DOP1B: variants seen among roughly 807,000 people sequenced by gnomAD.
The protein encoded by DOP1B is protein DOP1B.
A neutral mutation model predicts 233.5 loss-of-function variants in DOP1B; 174 were observed. The observed-to-expected ratio is 0.75, with a 90% CI of 0.66 to 0.85. The LOEUF is 0.85. Ranked by LOEUF, DOP1B falls within the 40% of genes least tolerant of loss-of-function variation. The pLI is 0.00. For missense variants in DOP1B, 2,652 were observed against 2,846.6 expected, an observed-to-expected ratio of 0.93 and a Z score of 1.56; for synonymous variants, 1,190 against 1,185.6, an observed-to-expected ratio of 1.00 and a Z score of -0.08.
intron 21 of DOP1B, 27 bp downstream of exon 21, chr21:36,248,595 C>A (rs1421505684): frequency 1.1e-5 from 18 of 1,582,916 alleles, no homozygotes; most frequent in Non-Finnish European, 1.5e-5. Flanking sequence ...GTAGTTCTGT[C>A]ATTTACTTGG....
chr21:36,172,077 G>A (rs1485396123), intron 2 of DOP1B, among the ~76,000 whole-genome samples: 1 of 152,188 alleles, frequency 6.6e-6, no homozygotes, highest in Non-Finnish European at 1.5e-5. Flanking sequence ...CTGGTGGGAA[G>A]GGCAATCTGG....
intron 2 of DOP1B, among the ~76,000 whole-genome samples, chr21:36,174,978 A>G (rs964706310): frequency 2.6e-5 from 4 of 152,218 alleles, no homozygotes; most frequent in African/African-American, 9.6e-5. Context: ...TCTGGAAGCC[A>G]GAAGTCCAAT....
At chr21:36,189,530 G>A (rs8126576) in intron 2 of DOP1B, among the ~76,000 whole-genome samples, 9 of 151,912 alleles carry the variant, frequency 5.9e-5, no homozygotes, top group South Asian at 2.1e-4. Context: ...TCAGGAGTTC[G>A]AGACCGGCCT....
Position 36,161,257 on chromosome 21 carries a change from C to T in DOP1B, c.-26-3451C>T, listed in dbSNP as rs113412323. Among the ~76,000 whole-genome samples, 919 of 151,960 alleles carry T rather than the reference C, an allele frequency of 6.0e-3. 8 individuals carry two copies. Among genetic ancestry groups the T allele is most frequent in the African/African-American group, 0.02 (838 of 41,458 alleles). On this transcript the variant is annotated intron_variant, in intron 1 of 36. Coordinates refer to ENST00000691173, the MANE Select transcript of DOP1B (RefSeq NM_001320714.2). ...GCCTCCTGGATTCCAGTGATTCTCCCGCCTCAGCCTCCTGAATAGCTGGGA... is the reference window on the plus strand; with the variant it reads ...GCCTCCTGGATTCCAGTGATTCTCCTGCCTCAGCCTCCTGAATAGCTGGGA...
chr21:36,169,548 C>G, intron 2 of DOP1B: 3 of 1,119,792 alleles, frequency 2.7e-6, no homozygotes, highest in South Asian at 2.6e-5. Flanking sequence ...TCGTCCAGCC[C>G]AAACGCTTGG....
Position 36,248,528 on chromosome 21 carries a change from C to G in DOP1B, c.4958C>G (p.Ala1653Gly). Residue 1653 changes from alanine (A) to glycine (G), a missense_variant, in exon 21 of 37, where the codon GCC (alanine) becomes GGC (glycine). Transcript: ENST00000691173. The part of the protein sequence containing the change: ...TQKRPVDLLG[A>G]TKGSSSVYFK... ...AAGAGACCTGTCGATCTCCTAGGGG[C>G]CACGAAGGGATCCTCTTCCGTTTAC... 2 of 1,612,564 alleles carry G rather than the reference C, an allele frequency of 1.2e-6. No individual in the cohort carries two copies. The highest frequency in any genetic ancestry group is 1.7e-6 in the Non-Finnish European group (2 of 1,179,582).
intron 12 of DOP1B, 59 bp from the exon 13 acceptor site, chr21:36,227,627 C>A: frequency 7.4e-7 from 1 of 1,357,952 alleles, no homozygotes; most frequent in Non-Finnish European, 9.8e-7. Flanking sequence ...TTTTGAGATG[C>A]ATTGTTTTTC....
At position 36,200,466 on chromosome 21, in the gene DOP1B, G is replaced by C; in HGVS notation, c.456G>C (p.Leu152=). 1 of 1,612,046 alleles carries C rather than the reference G, an allele frequency of 6.2e-7. No individual in the cohort carries two copies. Among genetic ancestry groups the C allele is most frequent in the East Asian group, 2.2e-5 (1 of 44,834 alleles). Residue 152 remains leucine (L), a synonymous_variant, in exon 4 of 37, where the codon CTG becomes CTC. Transcript: ENST00000691173. ...TGCAGGCCTTCATCGTGGGCCTGCTGCCCGGCCTTGAAGAGGGCTCCGAGA... is the reference window on the plus strand; with the variant it reads ...TGCAGGCCTTCATCGTGGGCCTGCTCCCCGGCCTTGAAGAGGGCTCCGAGA... ...PSLQAFIVGL[L]PGLEEGSEIS... is the part of the protein sequence containing the mutation.
At chr21:36,252,686 G>C (rs2123611256) in intron 22 of DOP1B, among the ~76,000 whole-genome samples, 1 of 151,952 alleles carries the variant, frequency 6.6e-6, no homozygotes, top group East Asian at 1.9e-4. Flanking sequence ...GCTAATTTTT[G>C]TAATTTTAGT....
chr21:36,222,289 A>C lies in DOP1B; in HGVS notation c.1251-942A>C, dbSNP rs574687708. On this transcript the variant is annotated intron_variant, in intron 10 of 36. Coordinates refer to ENST00000691173, the MANE Select transcript of DOP1B (RefSeq NM_001320714.2). ...TAAATTTCCTGAGCCATAGAAGATA[A>C]AATTTAAGGCTGGATGCTATGGCTT... Among the ~76,000 whole-genome samples the C allele has an allele frequency of 2.6e-5, 4 of 152,064 alleles. No homozygotes were observed. The South Asian group carries it at 8.3e-4, about 32-fold the overall frequency.
chr21:36,269,907 C>T (rs2067267986), intron 26 of DOP1B, 106 bp from the exon 27 acceptor site: 2 of 1,192,608 alleles, frequency 1.7e-6, no homozygotes, highest in Non-Finnish European at 2.4e-6. Flanking sequence ...CGTATATGCT[C>T]ACAGCTGTGG....
intron 4 of DOP1B, 105 bp downstream of exon 4, chr21:36,200,606 G>C (rs2066352538): frequency 7.4e-7 from 1 of 1,351,930 alleles, no homozygotes; most frequent in Admixed American, 2.9e-5. Flanking sequence ...CACTTTGGAA[G>C]GCCAAGGTGG....
Position 36,227,077 on chromosome 21 carries a change from G to C in DOP1B, c.1474-609G>C, listed in dbSNP as rs564113735. ...CAAAAAGTTAGCCGGGTGTGGTGGC[G>C]GGCGCCTGTAGTCCCAGCTACTCAG... On this transcript the variant is annotated intron_variant, in intron 12 of 36. Coordinates refer to ENST00000691173, the MANE Select transcript of DOP1B (RefSeq NM_001320714.2). Among the ~76,000 whole-genome samples, 103 of 151,216 alleles carry C rather than the reference G, an allele frequency of 6.8e-4. 1 individual carries two copies. The East Asian group carries it at 0.014, about 21-fold the overall frequency.
rs2065943808 is a variant in DOP1B, at chr21:36,169,002, T to G, written c.138+4131T>G. The stretch of plus-strand genomic sequence containing the variant: ...CCTTCTTCCTTTGCAATTCGGTCTT[T>G]CTCGAGTGGTCCCATGAATGCTTTC... On this transcript the variant is annotated intron_variant, in intron 2 of 36. Transcript: ENST00000691173. The G allele has an allele frequency of 7.8e-6, 6 of 773,684 alleles. No individual in the cohort carries two copies. In the South Asian group the frequency reaches 8.1e-5, roughly 10 times the overall value. The allele number at this position is 773,684 out of a possible 1,614,324, so 47.9% of individuals were successfully genotyped here.
chr21:36,170,711 C>T (rs1032235567), intron 2 of DOP1B: 1 of 151,564 alleles, frequency 6.6e-6, no homozygotes, highest in Non-Finnish European at 1.5e-5. Context: ...AGGAGGATCG[C>T]TTGAGCCCAG....
chr21:36,168,679 A>G (rs552562419), intron 2 of DOP1B, among the ~76,000 whole-genome samples: 1 of 152,032 alleles, frequency 6.6e-6, no homozygotes, highest in Admixed American at 6.5e-5. Flanking sequence ...GGCGTTAGCG[A>G]CCATGCCTGG....
At chr21:36,257,067 TG>T (rs968438136) in intron 23 of DOP1B, among the ~76,000 whole-genome samples, 6 of 152,280 alleles carry the variant, frequency 3.9e-5, no homozygotes, top group Middle Eastern at 3.4e-3. Context: ...ACCCCCTCTT[TG>T]GGTTCAGTTA....
chr21:36,196,647 A>G (rs2066293930), intron 2 of DOP1B, among the ~76,000 whole-genome samples: 1 of 151,934 alleles, frequency 6.6e-6, no homozygotes, highest in Admixed American at 6.6e-5. Flanking sequence ...AGTGGCTCAC[A>G]CCCATAATCC....
At chr21:36,282,525 A>G (rs1410552287) in intron 32 of DOP1B, among the ~76,000 whole-genome samples, 5 of 152,224 alleles carry the variant, frequency 3.3e-5, no homozygotes, top group Admixed American at 3.3e-4. Context: ...GTCTCTTGCT[A>G]GAGTCCTCCT....
Sources: gnomAD v4.1 joint callset for allele counts (sites outside exome capture counted in the v4.1 genomes callset) on GRCh38, gnomAD v4.1.1 for gene constraint, MANE v1.5 for transcripts, NCBI Gene and HGNC (gene_info 2026-07-23, HGNC 2026-07-21) for gene names.